EPHB1: variants seen among roughly 807,000 people sequenced by gnomAD.
The protein encoded by EPHB1 is EPH receptor B1.
In EPHB1, 30 loss-of-function variants were observed where a neutral mutation model predicts 94.4. The ratio of observed to expected loss-of-function variants is 0.32; its 90% CI spans 0.24 to 0.43. EPHB1 has a LOEUF of 0.43. Among genes scored for constraint, EPHB1 ranks in the 20% least tolerant of loss-of-function variants. EPHB1 has a pLI of 1.00. For synonymous variants in EPHB1, 522 were observed against 489.1 expected (o/e 1.07, Z -0.89); for missense variants, 1,055 against 1,308.3 (o/e 0.81, Z 2.99).
chr3:134,805,840 T>C (rs2036032908), intron 1 of EPHB1, among the ~76,000 whole-genome samples: 2 of 152,312 alleles, frequency 1.3e-5, no homozygotes, highest in South Asian at 4.1e-4. Flanking sequence ...TCGATTGGGT[T>C]GCCCTCTGGG....
intron 3 of EPHB1, among the ~76,000 whole-genome samples, chr3:135,096,864 A>G (rs566723849): frequency 3.9e-5 from 6 of 152,140 alleles, no homozygotes; most frequent in Admixed American, 1.3e-4. Flanking sequence ...TTGGGAGGCC[A>G]AGGGGGGCGG....
In EPHB1 at chr3:135,249,394, G is replaced by A. The variant is rs1430178684; in HGVS notation, c.2749G>A (p.Asp917Asn). The A allele has an allele frequency of 6.2e-7, 1 of 1,614,012 alleles. No homozygotes were observed. Among genetic ancestry groups the A allele is most frequent in the South Asian group, 1.1e-5 (1 of 91,082 alleles). ...IPDFTAFTTV[D>N]DWLSAIKMVQ... is the part of the protein sequence containing the mutation. ...AGACTTCACGGCCTTTACCACCGTGGATGACTGGCTCAGCGCCATCAAAAT... is the reference window on the plus strand; with the variant it reads ...AGACTTCACGGCCTTTACCACCGTGAATGACTGGCTCAGCGCCATCAAAAT... The change falls in exon 15 of 16, where the codon GAT (aspartate) becomes AAT (asparagine). Residue 917 changes from aspartate (D) to asparagine (N), a missense_variant. Coordinates refer to ENST00000398015, the MANE Select transcript of EPHB1 (RefSeq NM_004441.5).
intron 3 of EPHB1, among the ~76,000 whole-genome samples, chr3:135,018,420 C>A (rs933637342): frequency 2.0e-5 from 3 of 152,086 alleles, no homozygotes; most frequent in Non-Finnish European, 4.4e-5. Flanking sequence ...TCTGTAATGG[C>A]CTTTCTCCAA....
chr3:135,112,694 C>T (rs1939505603), intron 4 of EPHB1, among the ~76,000 whole-genome samples: 1 of 151,762 alleles, frequency 6.6e-6, no homozygotes, highest in Non-Finnish European at 1.5e-5. Context: ...CCAGTTTCAT[C>T]CATGTCCCTA....
chr3:134,906,200 C>T (rs904347752), intron 1 of EPHB1, among the ~76,000 whole-genome samples: 5 of 152,204 alleles, frequency 3.3e-5, no homozygotes, highest in Non-Finnish European at 2.9e-5. Flanking sequence ...TTTGGAAGGA[C>T]TCAAATTCCT....
intron 3 of EPHB1, among the ~76,000 whole-genome samples, chr3:135,019,929 T>C (rs1418691078): frequency 6.6e-6 from 1 of 152,258 alleles, no homozygotes; most frequent in African/African-American, 2.4e-5. Flanking sequence ...TCAAAGGGTC[T>C]GTACTTGGCA....
intron 1 of EPHB1, among the ~76,000 whole-genome samples, chr3:134,866,618 G>A (rs2037385759): frequency 6.6e-6 from 1 of 152,246 alleles, no homozygotes; most frequent in African/African-American, 2.4e-5. Context: ...CCTTGCTGAT[G>A]TCTTTTTCAG....
chr3:134,948,967 A>T (rs990612852), intron 2 of EPHB1, among the ~76,000 whole-genome samples: 1 of 152,254 alleles, frequency 6.6e-6, no homozygotes, highest in Non-Finnish European at 1.5e-5. Context: ...GCATAAGAAC[A>T]GGCCTGGAAC....
At chr3:135,137,189 C>T (rs1393224568) in intron 5 of EPHB1, among the ~76,000 whole-genome samples, 1 of 152,090 alleles carries the variant, frequency 6.6e-6, no homozygotes, top group East Asian at 1.9e-4. Flanking sequence ...CTCAAAGACC[C>T]CTAAGGCCAG....
intron 3 of EPHB1, among the ~76,000 whole-genome samples, chr3:134,953,346 C>T (rs551448790): frequency 7.1e-4 from 108 of 152,378 alleles, no homozygotes; most frequent in African/African-American, 2.3e-3. Flanking sequence ...CAGGGAGCTG[C>T]GCCTTTGTGT....
chr3:135,225,128 A>C (rs55729053), intron 12 of EPHB1, among the ~76,000 whole-genome samples: 35,339 of 151,776 alleles, frequency 0.23, 4,569 homozygotes, highest in Non-Finnish European at 0.3. Flanking sequence ...CTTCACACCT[A>C]CTCTGCTGCA....
intron 2 of EPHB1, among the ~76,000 whole-genome samples, chr3:134,939,690 G>A (rs1043224534): frequency 1.3e-5 from 2 of 152,184 alleles, no homozygotes; most frequent in Non-Finnish European, 2.9e-5. Context: ...TGGTAGTGGT[G>A]GCTCCAGCCC....
chr3:134,888,652 G>C (rs1459828999), intron 1 of EPHB1, among the ~76,000 whole-genome samples: 2 of 148,192 alleles, frequency 1.3e-5, no homozygotes, highest in Non-Finnish European at 3.0e-5. Context: ...AGATTGCAGT[G>C]AGCCGTGATC....
intron 12 of EPHB1, among the ~76,000 whole-genome samples, chr3:135,205,166 G>GTACCATCA (rs1318550738): frequency 8.5e-5 from 13 of 152,102 alleles, no homozygotes; most frequent in African/African-American, 2.9e-4. Flanking sequence ...TTGTGTATAA[G>GTACCATCA]TACCATCATT....
At chr3:135,101,046 A>G (rs1939017610) in intron 3 of EPHB1, among the ~76,000 whole-genome samples, 3 of 152,082 alleles carry the variant, frequency 2.0e-5, no homozygotes, top group Admixed American at 2.0e-4. Context: ...AGGAAAGGGA[A>G]CCCCTTTCTC....
intron 3 of EPHB1, among the ~76,000 whole-genome samples, chr3:135,069,574 G>A (rs1397236189): frequency 6.6e-6 from 1 of 152,176 alleles, no homozygotes; most frequent in Non-Finnish European, 1.5e-5. Context: ...CTTACCAGGT[G>A]GGATTGAAAC....
At chr3:135,208,519 C>T (rs1345652801) in intron 12 of EPHB1, among the ~76,000 whole-genome samples, 8 of 152,054 alleles carry the variant, frequency 5.3e-5, no homozygotes, top group Non-Finnish European at 1.0e-4. Context: ...CAGACTCAAC[C>T]AGGGTAGATG....
At chr3:135,201,751 G>T (rs534098950) in intron 12 of EPHB1, 62 bp downstream of exon 12, 2 of 1,504,368 alleles carry the variant, frequency 1.3e-6, no homozygotes, top group Non-Finnish European at 1.8e-6. Flanking sequence ...ACTCTACATG[G>T]CTGGGAACTG....
At chr3:135,203,515 T>C (rs796472223) in intron 12 of EPHB1, among the ~76,000 whole-genome samples, 19 of 152,326 alleles carry the variant, frequency 1.2e-4, no homozygotes, top group African/African-American at 4.6e-4. Context: ...CTTTGCCGGC[T>C]AAGAGGCAAA....
Sources: allele counts gnomAD v4.1 joint callset (sites outside exome capture counted in the v4.1 genomes callset), GRCh38; gene constraint gnomAD v4.1.1; transcripts MANE v1.5; gene names NCBI Gene and HGNC (gene_info 2026-07-23, HGNC 2026-07-21).